CPSF7: variants seen among roughly 807,000 people sequenced by gnomAD.
CPSF7 encodes the protein cleavage and polyadenylation specific factor 7.
In CPSF7, 1 loss-of-function variant was observed where a neutral mutation model predicts 44.3. The observed-to-expected ratio is 0.02, with a 90% CI of 0.01 to 0.11. The LOEUF (loss-of-function observed/expected upper bound fraction) is 0.11, where lower values mean the gene tolerates loss of function less well. CPSF7 is among the 10% of genes least tolerant of loss of function. CPSF7 has a pLI of 1.00. For missense variants in CPSF7, 443 were observed against 607.2 expected, an observed-to-expected ratio of 0.73 and a Z score of 2.84; for synonymous variants, 202 against 222.0, an observed-to-expected ratio of 0.91 and a Z score of 0.80.
rs372266417 is a variant in CPSF7, at chr11:61,409,196, G to T, written c.*5+1742C>A. 2.0e-5 allele frequency among the ~76,000 whole-genome samples: 3 copies of T among 151,504 alleles called. No individual in the cohort carries two copies. The East Asian group carries it at 5.8e-4, about 29-fold the overall frequency. On this transcript the variant is annotated intron_variant, in intron 9 of 9. Transcript: ENST00000439958. ...AACAAAACAAAACAAAAAAACAGCC[G>T]GGTGCGGTGGCTCACGCCTGTAATC...
chr11:61,410,869 G>T (rs992109576), intron 9 of CPSF7, 69 bp downstream of exon 9: 3 of 1,445,334 alleles, frequency 2.1e-6, no homozygotes, highest in Non-Finnish European at 2.8e-6. Flanking sequence ...TAAAGAGAGA[G>T]AATTCTTCAC....
At chr11:61,429,326 A>G (rs1302723217) in intron 1 of CPSF7, 36 bp from the exon 2 acceptor site, 1 of 1,266,270 alleles carries the variant, frequency 7.9e-7, no homozygotes, top group Non-Finnish European at 1.2e-6. Context: ...ATTAGAAGGC[A>G]CGAGGGTCCT....
intron 7 of CPSF7, among the ~76,000 whole-genome samples, chr11:61,412,431 A>T (rs997695448): frequency 2.0e-5 from 3 of 151,962 alleles, no homozygotes; most frequent in Admixed American, 2.0e-4. Flanking sequence ...CTGGGACTAC[A>T]GGCGCCTGCC....
rs181614788 is a variant in CPSF7, at chr11:61,425,776, C to T, written c.54+3406G>A. The stretch of plus-strand genomic sequence containing the variant: ...CACTTCACACCCTCCTTGTCCTTCA[C>T]TGTACATTGTCGTTGTCCACCACCC... On this transcript the variant is annotated intron_variant, in intron 2 of 9. Coordinates refer to ENST00000439958, the MANE Select transcript of CPSF7 (RefSeq NM_001142565.3). Among the ~76,000 whole-genome samples, 53 of 152,342 alleles carry T rather than the reference C, an allele frequency of 3.5e-4. No individual in the cohort carries two copies. The East Asian group carries it at 9.8e-3, about 28-fold the overall frequency.
chr11:61,419,885 C>G, intron 5 of CPSF7, 64 bp downstream of exon 5: 1 of 1,587,926 alleles, frequency 6.3e-7, no homozygotes, highest in South Asian at 1.1e-5. Flanking sequence ...AACAAACCCA[C>G]AAACACCCCC....
chr11:61,411,744 G>C, intron 8 of CPSF7, 25 bp downstream of exon 8: 1 of 1,599,444 alleles, frequency 6.3e-7, no homozygotes, highest in Non-Finnish European at 8.6e-7. Flanking sequence ...GGGGCTGGTA[G>C]GTGAGGACAC....
chr11:61,429,638 G>T, intron 1 of CPSF7: 4 of 1,150,750 alleles, frequency 3.5e-6, no homozygotes, highest in Admixed American at 4.6e-5. Flanking sequence ...CACCTGCCTA[G>T]CCCCCAAGGC....
intron 8 of CPSF7, among the ~76,000 whole-genome samples, chr11:61,411,533 AT>A (rs1705847471): frequency 2.0e-5 from 3 of 152,154 alleles, no homozygotes; most frequent in Non-Finnish European, 2.9e-5. Flanking sequence ...TCTTAAAAAT[AT>A]CTGTCTGTAT....
chr11:61,407,470 A>G (rs1859430190), intron 9 of CPSF7, among the ~76,000 whole-genome samples: 2 of 152,214 alleles, frequency 1.3e-5, no homozygotes, highest in Non-Finnish European at 2.9e-5. Context: ...CTGAGACTGA[A>G]TTAGGCCAAA....
intron 7 of CPSF7, among the ~76,000 whole-genome samples, chr11:61,415,057 T>C (rs1373646626): frequency 6.6e-6 from 1 of 152,068 alleles, no homozygotes; most frequent in African/African-American, 2.4e-5. Context: ...GCCAATATGA[T>C]GAAACCCTGT....
intron 3 of CPSF7, chr11:61,420,785 G>T: frequency 1.7e-6 from 1 of 592,710 alleles, no homozygotes. Flanking sequence ...TAGAGATTAC[G>T]AAGATTAAAA....
chr11:61,419,777 C>G, intron 5 of CPSF7, 172 bp downstream of exon 5: 1 of 747,096 alleles, frequency 1.3e-6, no homozygotes, highest in Non-Finnish European at 2.2e-6. Flanking sequence ...CTATATAGAC[C>G]TATTCTGAGG....
chr11:61,411,616 T>G lies in CPSF7; in HGVS notation c.1226+153A>C, dbSNP rs564486937. Among the ~76,000 whole-genome samples, 8 of 152,340 alleles carry G rather than the reference T, an allele frequency of 5.3e-5. No individual in the cohort carries two copies. The East Asian group carries it at 1.5e-3, about 29-fold the overall frequency. ...TACAACACTTATTAATGAAAGCATC[T>G]GATTAGTTTCTTCCCCAAAAAGACA... On this transcript the variant is annotated intron_variant, in intron 8 of 9. Coordinates refer to ENST00000439958, the MANE Select transcript of CPSF7 (RefSeq NM_001142565.3).
rs1859072905 is a variant in CPSF7 at position 61,403,692 on chromosome 11, C to G, written c.*1018G>C. The G allele has an allele frequency of 6.6e-6, 1 of 152,110 alleles. No individual in the cohort carries two copies. Among genetic ancestry groups the G allele is most frequent in the South Asian group, 2.1e-4 (1 of 4,820 alleles). The allele number at this position is 152,110 out of a possible 1,614,324, so 9.4% of individuals were successfully genotyped here. ...GGGGGATGTAAGCCCATGCTTACAT[C>G]AAACCTGAAAAAAGAAAAGCCTATG... On this transcript the variant is annotated 3_prime_UTR_variant, in exon 10 of 10. Coordinates refer to ENST00000439958, the MANE Select transcript of CPSF7 (RefSeq NM_001142565.3).
chr11:61,412,069 G>T, intron 7 of CPSF7, 132 bp from the exon 8 acceptor site: 1 of 669,174 alleles, frequency 1.5e-6, no homozygotes, highest in Non-Finnish European at 2.5e-6. Context: ...AAGAGACAAG[G>T]CAGATGTTGC....
intron 2 of CPSF7, among the ~76,000 whole-genome samples, chr11:61,423,268 G>A (rs1861063426): frequency 6.8e-6 from 1 of 147,804 alleles, no homozygotes; most frequent in African/African-American, 2.5e-5. Flanking sequence ...TGCCTCTTGG[G>A]TTCAAGTGAT....
chr11:61,417,401 G>A (rs534641188), intron 5 of CPSF7, among the ~76,000 whole-genome samples: 9 of 152,274 alleles, frequency 5.9e-5, no homozygotes, highest in African/African-American at 1.7e-4. Flanking sequence ...CAAGTCACTT[G>A]GTTAAACTTG....
intron 5 of CPSF7, among the ~76,000 whole-genome samples, chr11:61,417,574 G>C (rs950208959): frequency 6.6e-6 from 1 of 152,078 alleles, no homozygotes; most frequent in African/African-American, 2.4e-5. Flanking sequence ...GTTAATCCCA[G>C]CTCCTGAGTA....
intron 2 of CPSF7, among the ~76,000 whole-genome samples, chr11:61,425,554 T>A (rs1343009688): frequency 6.6e-6 from 1 of 152,238 alleles, no homozygotes; most frequent in African/African-American, 2.4e-5. Context: ...TGATTTTCAA[T>A]TTAAATAAGA....
Sources: allele counts gnomAD v4.1 joint callset (sites outside exome capture counted in the v4.1 genomes callset), GRCh38; gene constraint gnomAD v4.1.1; transcripts MANE v1.5; gene names NCBI Gene and HGNC (gene_info 2026-07-23, HGNC 2026-07-21).